The following ABI2 variants were observed in gnomAD, a reference collection of about 807,000 sequenced individuals.
ABI2 encodes abl interactor 2, also known as abelson interactor 2.
Under a neutral mutation model 59.2 loss-of-function variants are expected in ABI2, and 25 were observed. The ratio of observed to expected loss-of-function variants is 0.42; its 90% CI spans 0.31 to 0.59. The LOEUF is 0.59. Among genes scored for constraint, ABI2 ranks in the 20% least tolerant of loss-of-function variants. ABI2 has a pLI of 0.14. For missense variants in ABI2, 545 were observed against 681.8 expected, an observed-to-expected ratio of 0.80 and a Z score of 2.23; for synonymous variants, 213 against 235.5, an observed-to-expected ratio of 0.90 and a Z score of 0.87.
intron 4 of ABI2, among the ~76,000 whole-genome samples, chr2:203,383,624 G>C (rs1235705319): frequency 6.6e-6 from 1 of 152,108 alleles, no homozygotes; most frequent in Non-Finnish European, 1.5e-5. Context: ...TCCTGCGTCA[G>C]GATCTGTTTC....
At chr2:203,356,896 G>T (rs1022874378) in intron 1 of ABI2, among the ~76,000 whole-genome samples, 1 of 151,586 alleles carries the variant, frequency 6.6e-6, no homozygotes, top group South Asian at 2.1e-4. Flanking sequence ...TTATGCTTAC[G>T]TATGGTACAG....
chr2:203,328,487 T>TGAGGAGGAG lies in ABI2; in HGVS notation c.-16_-8dup, dbSNP rs769025104. On this transcript the variant is annotated 5_prime_UTR_variant, in exon 1 of 12. In the 5' UTR this introduces an upstream ATG that the reference lacks. Coordinates refer to ENST00000261018, the MANE Select transcript of ABI2 (RefSeq NM_001375670.1). Reference sequence around the variant, plus strand: ...GCCGCCGCTCCCTCTGCGACCTGTATGAGGAGGAGGAGGAGGAGGATGTGA... The same window carrying TGAGGAGGAG: ...GCCGCCGCTCCCTCTGCGACCTGTATGAGGAGGAGGAGGAGGAGGAGGAGGAGGATGTGA... The TGAGGAGGAG allele has an allele frequency of 2.0e-6, 3 of 1,514,926 alleles. No individual in the cohort carries two copies. Among genetic ancestry groups the TGAGGAGGAG allele is most frequent in the African/African-American group, 1.4e-5 (1 of 71,588 alleles). 93.8% of individuals were successfully genotyped at this position (1,514,926 alleles called of 1,614,324 possible). A position where few individuals can be genotyped will look rare whatever the true frequency, so the allele number is the denominator to read the frequency against.
At chr2:203,346,817 G>T (rs905324599) in intron 1 of ABI2, among the ~76,000 whole-genome samples, 2 of 152,180 alleles carry the variant, frequency 1.3e-5, no homozygotes, top group Non-Finnish European at 2.9e-5. Context: ...GATGTATGAT[G>T]AAATGTCATT....
intron 10 of ABI2, among the ~76,000 whole-genome samples, chr2:203,411,956 G>A (rs904834520): frequency 6.6e-6 from 1 of 152,188 alleles, no homozygotes; most frequent in South Asian, 2.1e-4. Flanking sequence ...CATTCAGTGA[G>A]GAATTGCTGT....
chr2:203,415,021 T>G (rs1208723888), intron 10 of ABI2, among the ~76,000 whole-genome samples: 2 of 152,198 alleles, frequency 1.3e-5, no homozygotes, highest in African/African-American at 4.8e-5. Context: ...TTCTCAAGGT[T>G]ATTGTTTTGA....
intron 1 of ABI2, among the ~76,000 whole-genome samples, chr2:203,352,083 A>G (rs2089036012): frequency 6.6e-6 from 1 of 152,178 alleles, no homozygotes; most frequent in South Asian, 2.1e-4. Context: ...AGACACACAC[A>G]TCACAATTTT....
intron 9 of ABI2, among the ~76,000 whole-genome samples, chr2:203,407,211 C>T (rs2097462414): frequency 6.6e-6 from 1 of 152,114 alleles, no homozygotes; most frequent in Non-Finnish European, 1.5e-5. Context: ...AGGTGTGAGC[C>T]ACCGCATCCA....
At position 203,354,251 on chromosome 2, in the gene ABI2, C is replaced by G. The variant is rs186015919; in HGVS notation, c.118-12626C>G. 3.7e-3 allele frequency among the ~76,000 whole-genome samples: 558 copies of G among 152,196 alleles called. 3 individuals are homozygous for G. The Middle Eastern group carries it at 0.044, about 12-fold the overall frequency. Reference sequence around the variant, plus strand: ...TAGAGACAGGGTTTCGCCATGTTGCCCAGGCTGGTCTCAAACTCCTGAGCT... The same window carrying G: ...TAGAGACAGGGTTTCGCCATGTTGCGCAGGCTGGTCTCAAACTCCTGAGCT... On this transcript the variant is annotated intron_variant, in intron 1 of 11. Coordinates refer to ENST00000261018, the MANE Select transcript of ABI2 (RefSeq NM_001375670.1).
chr2:203,346,376 T>G (rs2083550571), intron 1 of ABI2, among the ~76,000 whole-genome samples: 1 of 152,244 alleles, frequency 6.6e-6, no homozygotes, highest in Non-Finnish European at 1.5e-5. Context: ...GGAAAATATT[T>G]CTGCAGCTTG....
intron 1 of ABI2, among the ~76,000 whole-genome samples, chr2:203,359,090 C>T (rs2092928894): frequency 6.6e-6 from 1 of 152,044 alleles, no homozygotes; most frequent in Non-Finnish European, 1.5e-5. Context: ...TCACTGTGGG[C>T]CTAAAATGGG....
At chr2:203,402,099 A>G (rs1418381318) in intron 8 of ABI2, among the ~76,000 whole-genome samples, 3 of 152,128 alleles carry the variant, frequency 2.0e-5, no homozygotes, top group Non-Finnish European at 4.4e-5. Context: ...CAGTGGTGCA[A>G]TCTTGGCTCA....
In ABI2 at chr2:203,380,341, C is replaced by G; in HGVS notation, c.419C>G (p.Pro140Arg). The G allele has an allele frequency of 1.3e-6, 2 of 1,595,910 alleles. No individual in the cohort carries two copies. The highest frequency in any genetic ancestry group is 1.7e-6 in the Non-Finnish European group (2 of 1,173,376). Residue 140 changes from proline to arginine, a missense_variant, in exon 3 of 12, where the codon CCT (proline) becomes CGT (arginine). Physicochemically the swap from Pro to Arg is moderately radical, Grantham distance 103 (BLOSUM62 -2). This residue lies in a region of ABI2 where 410 missense variants were observed against 435.6 expected (regional missense o/e 0.94). Transcript: ENST00000261018. ...CGACCAGTTCGTTATATTAGAAAACCTATTGACTATACAATTCTAGATGAT... is the reference window on the plus strand; with the variant it reads ...CGACCAGTTCGTTATATTAGAAAACGTATTGACTATACAATTCTAGATGAT... ...LERPVRYIRK[P>R]IDYTILDDIG... is the part of the protein sequence containing the mutation.
At position 203,395,655 on chromosome 2, in the gene ABI2, G is replaced by A. The variant is rs1344411628; in HGVS notation, c.726-1G>A. The A allele has an allele frequency of 6.2e-7, 1 of 1,606,668 alleles. No individual in the cohort carries two copies. The highest frequency in any genetic ancestry group is 2.3e-5 in the East Asian group (1 of 44,400). ...TGTTTTGGTGGCTCTTATTTCTTTA[G>A]CAGCAGTGGGAGTAGTGGAGGGAGC... On this transcript the variant is annotated splice_acceptor_variant, in intron 6 of 11. Coordinates refer to ENST00000261018, the MANE Select transcript of ABI2 (RefSeq NM_001375670.1). LOFTEE classifies it high-confidence loss of function.
intron 9 of ABI2, among the ~76,000 whole-genome samples, chr2:203,408,165 C>CT (rs11302309): frequency 2.3e-4 from 33 of 144,786 alleles, no homozygotes; most frequent in East Asian, 1.2e-3. Context: ...TGCTGGTGGA[C>CT]TTTTTTTTTT....
intron 1 of ABI2, among the ~76,000 whole-genome samples, chr2:203,338,922 GTGTGTGTATA>G (rs56896436): frequency 0.075 from 2,503 of 33,252 alleles, 107 homozygotes; most frequent in Middle Eastern, 0.13. Context: ...GTGTGTGTGT[GTGTGTGTATA>G]TGTATATATA....
chr2:203,409,302 A>T (rs2097562210), intron 9 of ABI2, among the ~76,000 whole-genome samples: 1 of 152,194 alleles, frequency 6.6e-6, no homozygotes, highest in Non-Finnish European at 1.5e-5. Context: ...GTGTCTTTTT[A>T]AGAAAGGTAC....
intron 1 of ABI2, among the ~76,000 whole-genome samples, chr2:203,329,704 C>G (rs1481103980): frequency 3.8e-5 from 5 of 130,782 alleles, no homozygotes; most frequent in African/African-American, 1.4e-4. Flanking sequence ...TTCCTTTTTT[C>G]TTGCTCCCAC....
At chr2:203,342,914 G>C (rs953832855) in intron 1 of ABI2, among the ~76,000 whole-genome samples, 2 of 152,102 alleles carry the variant, frequency 1.3e-5, no homozygotes, top group African/African-American at 4.8e-5. Context: ...ATTATTTCTA[G>C]TTTTTTAATC....
rs1305725679 is a variant in ABI2 at position 203,430,624 on chromosome 2, T to A, written c.*3272T>A. Reference sequence around the variant, plus strand: ...AAGCTATCTTGTTTAATATTTTCCATCATTTAGCTACTTCCTATCTCCCTC... The same window carrying A: ...AAGCTATCTTGTTTAATATTTTCCAACATTTAGCTACTTCCTATCTCCCTC... On this transcript the variant is annotated 3_prime_UTR_variant, in exon 12 of 12. Transcript: ENST00000261018. The A allele has an allele frequency of 1.3e-5, 2 of 152,238 alleles. No individual in the cohort carries two copies. The highest frequency in any genetic ancestry group is 4.8e-5 in the African/African-American group (2 of 41,458). The allele number at this position is 152,238 out of a possible 1,614,324, so 9.4% of individuals were successfully genotyped here.
Sources: gnomAD v4.1 joint callset for allele counts (sites outside exome capture counted in the v4.1 genomes callset) on GRCh38, gnomAD v4.1.1 for gene constraint, gnomAD v4.1.1 regional missense constraint, MANE v1.5 for transcripts, NCBI Gene and HGNC (gene_info 2026-07-23, HGNC 2026-07-21) for gene names.